The following STARD13 variants were observed in gnomAD, a reference collection of about 807,000 sequenced individuals.
STARD13 encodes stAR-related lipid transfer protein 13.
STARD13 carries 62 observed loss-of-function variants against 106.4 expected under a neutral mutation model. The observed-to-expected ratio is 0.58, with a 90% confidence interval of 0.48 to 0.72. STARD13 has a LOEUF of 0.72. Among genes scored for constraint, STARD13 ranks in the 30% least tolerant of loss-of-function variants. The pLI, the probability that STARD13 is intolerant of heterozygous loss-of-function variation, is 0.00. For missense variants in STARD13, 1,387 were observed against 1,424.0 expected, an observed-to-expected ratio of 0.97 and a Z score of 0.42; for synonymous variants, 565 against 553.0, an observed-to-expected ratio of 1.02 and a Z score of -0.31.
At position 33,251,364 on chromosome 13, in the gene STARD13, C is replaced by G. The variant is rs1203758594; in HGVS notation, c.169+34106G>C. The stretch of plus-strand genomic sequence containing the variant: ...AAGTATCTGGGCCTTATGCTCGCTG[C>G]ATTGCCCCTCTTTCCAAGTGAATCA... On this transcript the variant is annotated intron_variant, in intron 1 of 13. Transcript: ENST00000336934. Among the ~76,000 whole-genome samples, 4 of 152,148 alleles carry G rather than the reference C, an allele frequency of 2.6e-5. 1 individual carries two copies. The highest frequency in any genetic ancestry group is 1.3e-4 in the Admixed American group (2 of 15,276).
At chr13:33,277,048 G>GA (rs60224228) in intron 1 of STARD13, among the ~76,000 whole-genome samples, 6,785 of 57,712 alleles carry the variant, frequency 0.12, 487 homozygotes, top group East Asian at 0.26. Flanking sequence ...CTAAGCTTCT[G>GA]AAAAAAAAAA....
At chr13:33,419,686 A>T in the STARD13 span, among the ~76,000 whole-genome samples, 3 of 152,234 alleles carry the variant, frequency 2.0e-5, no homozygotes, top group Admixed American at 2.0e-4. Flanking sequence ...TGAAGGAAAA[A>T]GTGTTAAAAG....
intron 1 of STARD13, among the ~76,000 whole-genome samples, chr13:33,194,427 A>T (rs552862698): frequency 4.4e-4 from 67 of 151,758 alleles, no homozygotes; most frequent in Middle Eastern, 3.4e-3. Context: ...ACTGAATCTT[A>T]AAAAAAAATC....
chr13:33,395,017 C>T, the STARD13 span, among the ~76,000 whole-genome samples: 1 of 152,150 alleles, frequency 6.6e-6, no homozygotes, highest in Non-Finnish European at 1.5e-5. Flanking sequence ...GTTTATCCAT[C>T]AGGACTCAGG....
chr13:33,349,921 C>T (rs1369436320), intron 1 of STARD13, among the ~76,000 whole-genome samples: 1 of 152,264 alleles, frequency 6.6e-6, no homozygotes, highest in Non-Finnish European at 1.5e-5. Context: ...CGCGAAGGGC[C>T]ACTTGGTCTG....
At chr13:33,185,831 A>G (rs1885705543) in intron 1 of STARD13, 1 of 1,598,084 alleles carries the variant, frequency 6.3e-7, no homozygotes, top group African/African-American at 1.3e-5. Context: ...ACAAGTTCAC[A>G]AAGGTCTATC....
intron 1 of STARD13, chr13:33,186,069 T>A: frequency 2.5e-6 from 4 of 1,607,094 alleles, no homozygotes; most frequent in Non-Finnish European, 3.4e-6. Flanking sequence ...TAGTCCTCTC[T>A]CATGTTTCCG....
At chr13:33,141,220 C>T (rs1051558344) in intron 4 of STARD13, among the ~76,000 whole-genome samples, 2 of 152,176 alleles carry the variant, frequency 1.3e-5, no homozygotes, top group Non-Finnish European at 1.5e-5. Flanking sequence ...AGAGGCTGTA[C>T]AGCACTTTGG....
chr13:33,443,614 G>C, the STARD13 span, among the ~76,000 whole-genome samples: 1 of 151,630 alleles, frequency 6.6e-6, no homozygotes, highest in Admixed American at 6.6e-5. Flanking sequence ...GGCCATGTGT[G>C]GTGGCTCACG....
chr13:33,205,122 A>G (rs1308778271), intron 1 of STARD13, among the ~76,000 whole-genome samples: 4 of 152,190 alleles, frequency 2.6e-5, no homozygotes, highest in Non-Finnish European at 5.9e-5. Context: ...AACGCAAACC[A>G]CTTAGATGTA....
chr13:33,357,135 C>T, the STARD13 span, among the ~76,000 whole-genome samples: 1 of 152,198 alleles, frequency 6.6e-6, no homozygotes, highest in African/African-American at 2.4e-5. Context: ...ATTTATTCAA[C>T]AAAGATCTGT....
chr13:33,161,957 G>C (rs977870084), intron 3 of STARD13, among the ~76,000 whole-genome samples: 16 of 152,052 alleles, frequency 1.1e-4, no homozygotes, highest in Non-Finnish European at 2.1e-4. Flanking sequence ...GAACAGTATG[G>C]GGGAAACTGC....
chr13:33,474,397 G>A, the STARD13 span, among the ~76,000 whole-genome samples: 7 of 152,200 alleles, frequency 4.6e-5, no homozygotes, highest in Non-Finnish European at 7.3e-5. Context: ...TCTGCAAGCT[G>A]CTGAGTTTAT....
chr13:33,516,685 G>A, the STARD13 span, among the ~76,000 whole-genome samples: 2 of 151,972 alleles, frequency 1.3e-5, no homozygotes, highest in East Asian at 3.9e-4. Flanking sequence ...GCCCACAAAT[G>A]CCTCCTGAGC....
chr13:33,414,047 A>AAAAAAAAAAAAAAG, the STARD13 span, among the ~76,000 whole-genome samples: 38 of 143,682 alleles, frequency 2.6e-4, no homozygotes, highest in East Asian at 1.8e-3. Flanking sequence ...AAAAAAAAAA[A>AAAAAAAAAAAAAAG]AAAGAAAAGA....
the STARD13 span, among the ~76,000 whole-genome samples, chr13:33,491,063 C>A: frequency 6.6e-6 from 1 of 152,190 alleles, no homozygotes; most frequent in Non-Finnish European, 1.5e-5. Flanking sequence ...ACTATGTGGC[C>A]ATGTGACTTG....
At chr13:33,641,176 A>ACT in the STARD13 span, among the ~76,000 whole-genome samples, 210 of 152,222 alleles carry the variant, frequency 1.4e-3, 1 homozygote, top group Middle Eastern at 3.4e-3. Context: ...ATGGGGCAGG[A>ACT]CTCTCTCTAG....
intron 3 of STARD13, among the ~76,000 whole-genome samples, chr13:33,149,322 C>G (rs1227142172): frequency 6.6e-6 from 1 of 152,192 alleles, no homozygotes; most frequent in Non-Finnish European, 1.5e-5. Flanking sequence ...TATATGAAAA[C>G]TCTCTGTAGT....
At chr13:33,554,277 C>G in the STARD13 span, among the ~76,000 whole-genome samples, 1 of 152,156 alleles carries the variant, frequency 6.6e-6, no homozygotes, top group Non-Finnish European at 1.5e-5. Flanking sequence ...TTCATAACTT[C>G]TAAGTGGGAT....
Sources: gnomAD v4.1 joint callset for allele counts (sites outside exome capture counted in the v4.1 genomes callset) on GRCh38, gnomAD v4.1.1 for gene constraint, MANE v1.5 for transcripts, NCBI Gene and HGNC (gene_info 2026-07-23, HGNC 2026-07-21) for gene names.